SLC2A11: variants seen among roughly 807,000 people sequenced by gnomAD.
SLC2A11 encodes solute carrier family 2 member 11, also known as solute carrier family 2, facilitated glucose transporter member 11.
Under a neutral mutation model 52.1 loss-of-function variants are expected in SLC2A11, and 43 were observed. The observed-to-expected ratio is 0.82, with a 90% CI of 0.65 to 1.06. SLC2A11 has a LOEUF of 1.06. Among genes scored for constraint, SLC2A11 ranks in the 50% least tolerant of loss-of-function variants. The pLI is 0.00. For missense variants in SLC2A11, 582 were observed against 654.2 expected (o/e 0.89, Z 1.20); for synonymous variants, 261 against 277.6 (o/e 0.94, Z 0.59).
At chr22:23,880,991 C>G (rs1268472246) in intron 6 of SLC2A11, 2 of 152,132 alleles carry the variant, frequency 1.3e-5, no homozygotes, top group Non-Finnish European at 2.9e-5. Context: ...ATTTCTCCAG[C>G]CTCATCGCCG....
At chr22:23,868,224 C>T (rs1442947334) in intron 2 of SLC2A11, 9 of 528,030 alleles carry the variant, frequency 1.7e-5, no homozygotes, top group South Asian at 8.8e-5. Context: ...ATAGTGTTTT[C>T]GCAGAGAGGG....
chr22:23,860,910 A>C (rs1419457160), intron 1 of SLC2A11, among the ~76,000 whole-genome samples: 1 of 147,764 alleles, frequency 6.8e-6, no homozygotes, highest in Non-Finnish European at 1.5e-5. Flanking sequence ...CAGTGGCGCT[A>C]TCTCGGCTCA....
chr22:23,874,289 C>A (rs1176314710), intron 3 of SLC2A11, among the ~76,000 whole-genome samples: 3 of 152,014 alleles, frequency 2.0e-5, no homozygotes, highest in African/African-American at 7.3e-5. Context: ...ATATTAGTAC[C>A]TTCATTGTTG....
chr22:23,883,913 C>T, intron 9 of SLC2A11, 36 bp from the exon 10 acceptor site: 1 of 1,610,544 alleles, frequency 6.2e-7, no homozygotes, highest in Non-Finnish European at 8.5e-7. Context: ...CCAGGCCGGG[C>T]TGACTTCCAC....
chr22:23,882,593 G>A lies in SLC2A11; in HGVS notation c.829G>A (p.Val277Met), dbSNP rs2146144809. Residue 277 changes from valine to methionine, a missense_variant, in exon 7 of 12, where the codon GTG becomes ATG. By Grantham distance (21) the Val-to-Met change is conservative (BLOSUM62 1). Coordinates refer to ENST00000316185, the MANE Select transcript of SLC2A11 (RefSeq NM_001024939.4). ...LFQHRALRRQ[V>M]TSLVVLGSAM... ...CCAGCATCGGGCCCTGAGGAGACAGGTGACAAGCCTCGTGGTTCTGGGCAG... is the reference window on the plus strand; with the variant it reads ...CCAGCATCGGGCCCTGAGGAGACAGATGACAAGCCTCGTGGTTCTGGGCAG... 6.2e-7 allele frequency: 1 copy of A among 1,613,454 alleles called. No individual in the cohort carries two copies. Among genetic ancestry groups the A allele is most frequent in the African/African-American group, 1.3e-5 (1 of 75,034 alleles).
rs1601506513 is a variant in SLC2A11, at chr22:23,877,159, T to C, written c.533T>C (p.Val178Ala). 1 of 1,611,420 alleles carries C rather than the reference T, an allele frequency of 6.2e-7. No individual in the cohort carries two copies. The highest frequency in any genetic ancestry group is 1.1e-5 in the South Asian group (1 of 90,834). ...FTALGIVMGQ[V>A]VGLRELLGGP... ...GCTCTGGGGATCGTGATGGGACAGG[T>C]GGTCGGACTCAGGTAAGCACCCCTC... Residue 178 changes from valine to alanine, a missense_variant, in exon 5 of 12, where the codon GTG becomes GCG. By Grantham distance (64) the Val-to-Ala change is moderately conservative (BLOSUM62 0). Coordinates refer to ENST00000316185, the MANE Select transcript of SLC2A11 (RefSeq NM_001024939.4).
Position 23,885,630 on chromosome 22 carries a change from T to C in SLC2A11, c.*781T>C, listed in dbSNP as rs2032975211. 1.3e-5 allele frequency: 2 copies of C among 151,616 alleles called. No homozygotes were observed. Among genetic ancestry groups the C allele is most frequent in the Admixed American group, 1.3e-4 (2 of 15,206 alleles). 9.4% of individuals were successfully genotyped at this position (151,616 alleles called of 1,614,324 possible). A position where few individuals can be genotyped will look rare whatever the true frequency, so the allele number is the denominator to read the frequency against. ...CTGAAATGGGAGGATCACTTGAGCCTGGGAGGTCGAGGCTGCAGTGAGTCC... is the reference window on the plus strand; with the variant it reads ...CTGAAATGGGAGGATCACTTGAGCCCGGGAGGTCGAGGCTGCAGTGAGTCC... On this transcript the variant is annotated 3_prime_UTR_variant, in exon 12 of 12. Coordinates refer to ENST00000316185, the MANE Select transcript of SLC2A11 (RefSeq NM_001024939.4).
intron 1 of SLC2A11, among the ~76,000 whole-genome samples, chr22:23,860,611 G>A (rs577991854): frequency 2.3e-3 from 343 of 152,038 alleles, no homozygotes; most frequent in Non-Finnish European, 3.2e-3. Flanking sequence ...GTGCATGCCT[G>A]CAATCCCAGC....
At chr22:23,859,012 A>T (rs1363725630) in intron 1 of SLC2A11, among the ~76,000 whole-genome samples, 2 of 152,246 alleles carry the variant, frequency 1.3e-5, no homozygotes, top group Non-Finnish European at 2.9e-5. Context: ...TACCATGACC[A>T]GGCACGGTAT....
intron 4 of SLC2A11, 152 bp downstream of exon 4, chr22:23,875,393 A>G (rs541627947): frequency 1.0e-6 from 1 of 1,004,300 alleles, no homozygotes; most frequent in South Asian, 3.7e-5. Context: ...AGGATGTAGT[A>G]TAGTTTATCT....
intron 2 of SLC2A11, chr22:23,865,885 G>C (rs536441189): frequency 6.6e-6 from 1 of 152,400 alleles, no homozygotes; most frequent in South Asian, 2.1e-4. Flanking sequence ...AGCTCAGAAG[G>C]CCGGGTGCAG....
chr22:23,879,217 C>T (rs1205172417), intron 6 of SLC2A11, among the ~76,000 whole-genome samples: 3 of 152,080 alleles, frequency 2.0e-5, no homozygotes, highest in Admixed American at 6.6e-5. Context: ...ATAGGCATGA[C>T]GCCATTGTTG....
chr22:23,868,185 T>G, intron 2 of SLC2A11: 1 of 454,626 alleles, frequency 2.2e-6, no homozygotes, highest in Non-Finnish European at 4.0e-6. Flanking sequence ...ACACATTTGC[T>G]GTCAGGAGTA....
At chr22:23,869,723 T>C (rs1017666811) in intron 3 of SLC2A11, 8 of 425,066 alleles carry the variant, frequency 1.9e-5, no homozygotes, top group Non-Finnish European at 2.5e-5. Context: ...GGATAATGTA[T>C]AAAGAACAGA....
chr22:23,857,689 G>T (rs182066526), upstream of SLC2A11, among the ~76,000 whole-genome samples: 1 of 151,004 alleles, frequency 6.6e-6, no homozygotes, highest in African/African-American at 2.4e-5. Flanking sequence ...CGCCCTCCGC[G>T]ACACTCTAGC....
At chr22:23,858,918 G>A (rs1410334238) in intron 1 of SLC2A11, among the ~76,000 whole-genome samples, 1 of 152,210 alleles carries the variant, frequency 6.6e-6, no homozygotes, top group African/African-American at 2.4e-5. Context: ...ACCTAGAACA[G>A]TAGGATTATT....
At chr22:23,880,122 GA>G (rs1408188027) in intron 6 of SLC2A11, among the ~76,000 whole-genome samples, 1 of 151,850 alleles carries the variant, frequency 6.6e-6, no homozygotes, top group East Asian at 1.9e-4. Context: ...TGAGGCAGGA[GA>G]ATTGCTTGAA....
chr22:23,879,275 G>A (rs1778644763), intron 6 of SLC2A11, among the ~76,000 whole-genome samples: 1 of 151,750 alleles, frequency 6.6e-6, no homozygotes, highest in Admixed American at 6.6e-5. Flanking sequence ...TTTTGGTTTT[G>A]TTTGGGACAG....
chr22:23,857,890 G>T lies in SLC2A11; in HGVS notation c.-110G>T. On this transcript the variant is annotated 5_prime_UTR_variant, in exon 1 of 12. Transcript: ENST00000316185. ...GCGCTAGCGCCTCTTTCACCACTGG[G>T]CGCTGCGCGCTGCCCTTCCCTCCGC... is the stretch of plus-strand genomic sequence containing the variant. 1.3e-6 allele frequency: 2 copies of T among 1,559,656 alleles called. No homozygotes were observed. The highest frequency in any genetic ancestry group is 1.2e-5 in the South Asian group (1 of 84,718).
Sources: gnomAD v4.1 joint callset for allele counts (sites outside exome capture counted in the v4.1 genomes callset) on GRCh38, gnomAD v4.1.1 for gene constraint, MANE v1.5 for transcripts, NCBI Gene and HGNC (gene_info 2026-07-23, HGNC 2026-07-21) for gene names.